SORCS3: variants seen among roughly 807,000 people sequenced by gnomAD.
The protein encoded by SORCS3 is sortilin related VPS10 domain containing receptor 3, also known as VPS10 domain-containing receptor SorCS3.
SORCS3 carries 57 observed loss-of-function variants against 146.3 expected under a neutral mutation model. That is an observed-to-expected ratio of 0.39 (90% CI 0.31 to 0.49). The LOEUF (loss-of-function observed/expected upper bound fraction) is 0.49, where lower values mean the gene tolerates loss of function less well. Among genes scored for constraint, SORCS3 ranks in the 20% least tolerant of loss-of-function variants. The probability of loss-of-function intolerance (pLI) is 0.92; values close to 1 mark genes in which losing one functional copy is unlikely to be tolerated. For missense variants in SORCS3, 1,341 were observed against 1,575.5 expected, an observed-to-expected ratio of 0.85 and a Z score of 2.52; for synonymous variants, 653 against 618.5, an observed-to-expected ratio of 1.06 and a Z score of -0.83.
At chr10:104,856,636 T>C (rs2018337295) in intron 2 of SORCS3, among the ~76,000 whole-genome samples, 1 of 145,702 alleles carries the variant, frequency 6.9e-6, no homozygotes, top group Non-Finnish European at 1.5e-5. Flanking sequence ...ATATAAACAA[T>C]TAGAGGCATA....
At position 104,953,525 on chromosome 10, in the gene SORCS3, A is replaced by G. The variant is rs553246383; in HGVS notation, c.796-23810A>G. ...CTAAGGTAGGATCCAGGAAAATGCA[A>G]TGTTTCACAAGCACTTCAGACAGTG... On this transcript the variant is annotated intron_variant, in intron 3 of 26. Transcript: ENST00000369701. Among the ~76,000 whole-genome samples, 124 of 152,362 alleles carry G rather than the reference A, an allele frequency of 8.1e-4. 5 individuals are homozygous for G. In the South Asian group the frequency reaches 0.025, roughly 30 times the overall value.
intron 1 of SORCS3, among the ~76,000 whole-genome samples, chr10:104,674,800 GT>G (rs1564656433): frequency 2.0e-5 from 3 of 152,080 alleles, no homozygotes; most frequent in Non-Finnish European, 4.4e-5. Context: ...CATTATGTCT[GT>G]GAGATTTAAC....
intron 13 of SORCS3, among the ~76,000 whole-genome samples, chr10:105,174,334 C>A (rs2056382527): frequency 6.6e-6 from 1 of 152,054 alleles, no homozygotes; most frequent in African/African-American, 2.4e-5. Flanking sequence ...TAATGAGCTA[C>A]TGACCTGAGG....
At chr10:105,001,030 A>T (rs1329364079) in intron 4 of SORCS3, among the ~76,000 whole-genome samples, 2 of 152,170 alleles carry the variant, frequency 1.3e-5, no homozygotes, top group African/African-American at 4.8e-5. Context: ...ATTATACTTT[A>T]TCTATTAGAT....
intron 14 of SORCS3, among the ~76,000 whole-genome samples, chr10:105,187,282 T>C (rs1262865141): frequency 1.3e-5 from 2 of 152,188 alleles, no homozygotes; most frequent in African/African-American, 4.8e-5. Flanking sequence ...TTGCCAATCA[T>C]TGTATTGTGT....
chr10:104,663,229 G>GA (rs2015725037), intron 1 of SORCS3, among the ~76,000 whole-genome samples: 1 of 152,144 alleles, frequency 6.6e-6, no homozygotes, highest in Non-Finnish European at 1.5e-5. Context: ...CAGAGCAAGG[G>GA]AAAAAAGCAA....
At chr10:104,722,722 G>C (rs1024629177) in intron 1 of SORCS3, among the ~76,000 whole-genome samples, 1 of 152,128 alleles carries the variant, frequency 6.6e-6, no homozygotes, top group African/African-American at 2.4e-5. Flanking sequence ...TGTATGTGTC[G>C]AGGAATGTAT....
chr10:105,150,400 T>C (rs1564767662), intron 9 of SORCS3, among the ~76,000 whole-genome samples: 1 of 152,140 alleles, frequency 6.6e-6, no homozygotes, highest in Non-Finnish European at 1.5e-5. Context: ...AAGGATGTGA[T>C]CTGTGCAGGC....
intron 1 of SORCS3, among the ~76,000 whole-genome samples, chr10:104,801,788 G>A (rs546303822): frequency 5.3e-5 from 8 of 152,306 alleles, no homozygotes; most frequent in East Asian, 3.9e-4. Flanking sequence ...TTACAGATAC[G>A]TAAACTCTTA....
At chr10:104,989,384 G>T (rs982973435) in intron 4 of SORCS3, among the ~76,000 whole-genome samples, 1 of 152,302 alleles carries the variant, frequency 6.6e-6, no homozygotes, top group African/African-American at 2.4e-5. Context: ...AAGTACCAAC[G>T]TGCATATTGT....
chr10:104,642,022 G>GGGGGGGA, intron 1 of SORCS3, 68 bp downstream of exon 1: 12 of 173,324 alleles, frequency 6.9e-5, no homozygotes, highest in South Asian at 1.3e-4. Flanking sequence ...GGGTGGGTGG[G>GGGGGGGA]AGCGAGGGAC....
At chr10:104,828,225 T>G (rs138156526) in intron 1 of SORCS3, among the ~76,000 whole-genome samples, 23 of 152,314 alleles carry the variant, frequency 1.5e-4, no homozygotes, top group African/African-American at 5.5e-4. Context: ...TTTGCTAAGC[T>G]TAACCATTTT....
chr10:104,996,610 T>C (rs752094978), intron 4 of SORCS3, among the ~76,000 whole-genome samples: 2 of 152,088 alleles, frequency 1.3e-5, no homozygotes, highest in Non-Finnish European at 2.9e-5. Flanking sequence ...CTAACACAAG[T>C]AGAGCACACA....
chr10:105,151,643 G>A (rs894656912), intron 9 of SORCS3, among the ~76,000 whole-genome samples: 2 of 152,022 alleles, frequency 1.3e-5, no homozygotes, highest in South Asian at 2.1e-4. Flanking sequence ...AAGAAAGCAA[G>A]AACTTATTTG....
chr10:105,101,154 T>C (rs2133750042), intron 6 of SORCS3, among the ~76,000 whole-genome samples: 1 of 152,388 alleles, frequency 6.6e-6, no homozygotes, highest in Non-Finnish European at 1.5e-5. Context: ...TTTTAAATTA[T>C]GTCATAAATA....
intron 1 of SORCS3, among the ~76,000 whole-genome samples, chr10:104,784,683 G>T (rs987001331): frequency 6.6e-6 from 1 of 152,180 alleles, no homozygotes; most frequent in African/African-American, 2.4e-5. Flanking sequence ...AGTGCAGAGC[G>T]TCTGGAATCA....
At chr10:105,166,266 G>A (rs184615074) in intron 12 of SORCS3, among the ~76,000 whole-genome samples, 15 of 152,138 alleles carry the variant, frequency 9.9e-5, no homozygotes, top group African/African-American at 1.4e-4. Flanking sequence ...TGACTGTATC[G>A]TCTCCTTATC....
chr10:104,890,739 T>C (rs2018741310), intron 2 of SORCS3, among the ~76,000 whole-genome samples: 2 of 152,248 alleles, frequency 1.3e-5, no homozygotes, highest in South Asian at 4.1e-4. Context: ...ATAATTTTTG[T>C]AGGGGATTTC....
chr10:104,659,343 T>C (rs2015672045), intron 1 of SORCS3, among the ~76,000 whole-genome samples: 1 of 152,184 alleles, frequency 6.6e-6, no homozygotes, highest in Non-Finnish European at 1.5e-5. Context: ...AGCGAGATTG[T>C]ATAGTGCCCA....
Sources: allele counts gnomAD v4.1 joint callset (sites outside exome capture counted in the v4.1 genomes callset), GRCh38; gene constraint gnomAD v4.1.1; transcripts MANE v1.5; gene names NCBI Gene and HGNC (gene_info 2026-07-23, HGNC 2026-07-21).